NT5M: variants seen among roughly 807,000 people sequenced by gnomAD.
NT5M encodes the protein 5',3'-nucleotidase, mitochondrial.
A neutral mutation model predicts 22.2 loss-of-function variants in NT5M; 22 were observed. That is an observed-to-expected ratio of 0.99 (90% confidence interval 0.71 to 1.41). The LOEUF is 1.41. Ranked by LOEUF, NT5M falls within the 40% of genes most tolerant of loss-of-function variation. The pLI is 0.00. For missense variants in NT5M, 322 were observed against 314.8 expected, an observed-to-expected ratio of 1.02 and a Z score of -0.17; for synonymous variants, 167 against 133.0, an observed-to-expected ratio of 1.26 and a Z score of -1.76.
Position 17,315,745 on chromosome 17 carries a change from TTTTTTTG to T in NT5M, c.369-7433_369-7427del, listed in dbSNP as rs1478701022. Among the ~76,000 whole-genome samples, 16 of 59,122 alleles carry T rather than the reference TTTTTTTG, an allele frequency of 2.7e-4. 1 individual carries two copies. The highest frequency in any genetic ancestry group is 9.8e-4 in the African/African-American group (9 of 9,140). 38.8% of individuals were successfully genotyped at this position (59,122 alleles called of 152,430 possible). ...GAGATTGATGTGATCTAACTTAGGGTTTTTTTGTTTTTTTTTTTTTTTTTTTTTTGAG... is the reference window on the plus strand; with the variant it reads ...GAGATTGATGTGATCTAACTTAGGGTTTTTTTTTTTTTTTTTTTTTTTGAG... On this transcript the variant is annotated intron_variant, in intron 2 of 4. Coordinates refer to ENST00000389022, the MANE Select transcript of NT5M (RefSeq NM_020201.4).
chr17:17,318,932 C>T (rs529830850), intron 2 of NT5M, among the ~76,000 whole-genome samples: 2 of 150,862 alleles, frequency 1.3e-5, no homozygotes, highest in African/African-American at 2.4e-5. Flanking sequence ...TATTATGGGG[C>T]GGGCGTGGTG....
At chr17:17,316,000 C>A (rs1353159496) in intron 2 of NT5M, among the ~76,000 whole-genome samples, 1 of 151,830 alleles carries the variant, frequency 6.6e-6, no homozygotes, top group East Asian at 1.9e-4. Context: ...TGTGATCAGC[C>A]CGCCTTGGCC....
intron 3 of NT5M, among the ~76,000 whole-genome samples, chr17:17,326,807 C>G (rs1488779165): frequency 1.3e-5 from 2 of 152,170 alleles, no homozygotes; most frequent in Non-Finnish European, 2.9e-5. Flanking sequence ...AGTGGATGTC[C>G]TGATCAAACT....
At chr17:17,305,789 CAG>C (rs2048787976) in intron 1 of NT5M, among the ~76,000 whole-genome samples, 1 of 152,000 alleles carries the variant, frequency 6.6e-6, no homozygotes, top group African/African-American at 2.4e-5. Context: ...TGCAGCAGAA[CAG>C]GGGAAGGAGA....
At chr17:17,324,155 G>A (rs1053854422) in intron 3 of NT5M, among the ~76,000 whole-genome samples, 2 of 150,906 alleles carry the variant, frequency 1.3e-5, no homozygotes, top group Non-Finnish European at 1.5e-5. Flanking sequence ...GATTATAGGC[G>A]TGAGCCACCG....
At chr17:17,342,542 T>C (rs1224156042) in intron 3 of NT5M, among the ~76,000 whole-genome samples, 1 of 152,096 alleles carries the variant, frequency 6.6e-6, no homozygotes, top group Non-Finnish European at 1.5e-5. Context: ...CACAATGCAG[T>C]GGAAATTAAA....
rs2048730210 is a variant in NT5M at position 17,303,710 on chromosome 17, C to T, written c.160C>T (p.Leu54Phe). ...GCTGGCTGACTTCGAGGGCGGATTC[C>T]TCAGGAAGTTCCGCGCGCGCTTTCC... Reference protein sequence around the residue: ...GVLADFEGGFLRKFRARFPDQ... With the variant: ...GVLADFEGGFFRKFRARFPDQ... Residue 54 changes from leucine (L) to phenylalanine (F), a missense_variant, in exon 1 of 5, where the codon CTC (leucine) becomes TTC (phenylalanine). Coordinates refer to ENST00000389022, the MANE Select transcript of NT5M (RefSeq NM_020201.4). 6.3e-7 allele frequency: 1 copy of T among 1,591,670 alleles called. No homozygotes were observed. Among genetic ancestry groups the T allele is most frequent in the South Asian group, 1.1e-5 (1 of 88,288 alleles).
At chr17:17,305,392 C>CCT (rs2048774234) in intron 1 of NT5M, among the ~76,000 whole-genome samples, 1 of 45,870 alleles carries the variant, frequency 2.2e-5, no homozygotes, top group Non-Finnish European at 4.5e-5. Context: ...GTTAAAACAA[C>CCT]CGCCCCCCCC....
intron 3 of NT5M, among the ~76,000 whole-genome samples, chr17:17,338,440 G>A (rs558631953): frequency 6.6e-4 from 100 of 152,104 alleles, no homozygotes; most frequent in African/African-American, 2.3e-3. Context: ...CTATCCGCCC[G>A]CCTCGGCCTC....
At chr17:17,344,762 C>A in intron 3 of NT5M, 32 bp from the exon 4 acceptor site, 1 of 1,608,504 alleles carries the variant, frequency 6.2e-7, no homozygotes, top group Non-Finnish European at 8.5e-7. Context: ...TCACTTTCTT[C>A]TCACCACCTG....
chr17:17,320,764 G>A (rs565888907), intron 2 of NT5M, among the ~76,000 whole-genome samples: 1 of 152,260 alleles, frequency 6.6e-6, no homozygotes, highest in East Asian at 1.9e-4. Context: ...AGGAGTAGAC[G>A]GGGAGTCTGG....
In NT5M at chr17:17,312,584, C is replaced by T. The variant is rs143065035; in HGVS notation, c.368+5941C>T. On this transcript the variant is annotated intron_variant, in intron 2 of 4. Coordinates refer to ENST00000389022, the MANE Select transcript of NT5M (RefSeq NM_020201.4). ...GCTTGCACCTGGGAGGTGGAGGCTG[C>T]GGTGAGCCAAGATTGCGCCATTGTA... Among the ~76,000 whole-genome samples, 10 of 141,488 alleles carry T rather than the reference C, an allele frequency of 7.1e-5. 1 individual carries two copies. The highest frequency in any genetic ancestry group is 2.2e-4 in the South Asian group (1 of 4,468). The allele number at this position is 141,488 out of a possible 152,430, so 92.8% of individuals were successfully genotyped here. A position where few individuals can be genotyped will look rare whatever the true frequency, so the allele number is the denominator to read the frequency against.
At chr17:17,334,129 G>C (rs1275289222) in intron 3 of NT5M, among the ~76,000 whole-genome samples, 15 of 151,950 alleles carry the variant, frequency 9.9e-5, no homozygotes, top group Admixed American at 9.2e-4. Flanking sequence ...CACCGTGCCT[G>C]GTATGTTTTT....
At position 17,344,813 on chromosome 17, in the gene NT5M, A is replaced by AG. The variant is rs764725260; in HGVS notation, c.449_450insG (p.Tyr150Ter). 1 of 1,614,140 alleles carries AG rather than the reference A, an allele frequency of 6.2e-7. No homozygotes were observed. The highest frequency in any genetic ancestry group is 8.5e-7 in the Non-Finnish European group (1 of 1,179,988). Residue 150 changes from tyrosine (Y) to a stop codon, truncating the protein, a stop_gained and frameshift_variant, in exon 4 of 5, where the codon TAC becomes TAGC. Coordinates refer to ENST00000389022, the MANE Select transcript of NT5M (RefSeq NM_020201.4). LOFTEE classifies it high-confidence loss of function. The part of the protein sequence containing the change: ...PYEKYAWVEK[Y>*]FGPDFLEQIV... ...GTCCAGTATGCCTGGGTGGAGAAGT[A>AG]CTTTGGCCCTGACTTTCTGGAGCAG...
At chr17:17,323,306 G>T in intron 3 of NT5M, 61 bp downstream of exon 3, 1 of 1,371,154 alleles carries the variant, frequency 7.3e-7, no homozygotes, top group Admixed American at 1.7e-5. Context: ...AGGGGTACGG[G>T]GCTCAGCCTG....
chr17:17,332,316 G>C (rs936469873), intron 3 of NT5M, among the ~76,000 whole-genome samples: 1 of 152,112 alleles, frequency 6.6e-6, no homozygotes, highest in Admixed American at 6.6e-5. Context: ...AGGTGGGGTC[G>C]AGAGCTGCCA....
intron 2 of NT5M, among the ~76,000 whole-genome samples, chr17:17,314,153 C>G (rs1330642695): frequency 6.6e-6 from 1 of 151,784 alleles, no homozygotes; most frequent in African/African-American, 2.4e-5. Context: ...CCTGCCTCAG[C>G]CTCTGGAGTA....
intron 2 of NT5M, among the ~76,000 whole-genome samples, chr17:17,307,014 A>G (rs2048816424): frequency 6.6e-6 from 1 of 151,868 alleles, no homozygotes; most frequent in Admixed American, 6.6e-5. Flanking sequence ...CCTGACCAAC[A>G]TGGAGAAACC....
At chr17:17,303,904 C>T (rs2048736337) in intron 1 of NT5M, 87 bp downstream of exon 1, 1 of 1,307,302 alleles carries the variant, frequency 7.6e-7, no homozygotes, top group Non-Finnish European at 9.8e-7. Context: ...CTTGGACGGT[C>T]AGCGCCCCAG....
Sources: allele counts gnomAD v4.1 joint callset (sites outside exome capture counted in the v4.1 genomes callset), GRCh38; gene constraint gnomAD v4.1.1; transcripts MANE v1.5; gene names NCBI Gene and HGNC (gene_info 2026-07-23, HGNC 2026-07-21).